Variants in CEACAM4 observed in about 807,000 individuals in gnomAD.
CEACAM4 encodes CEA cell adhesion molecule 4.
CEACAM4 carries 30 observed loss-of-function variants against 28.7 expected under a neutral mutation model. That is an observed-to-expected ratio of 1.05 (90% CI 0.78 to 1.42). The LOEUF is 1.42. Ranked by LOEUF, CEACAM4 falls within the 40% of genes most tolerant of loss-of-function variation. The probability of loss-of-function intolerance (pLI) is 0.00; values close to 1 mark genes in which losing one functional copy is unlikely to be tolerated. For synonymous variants in CEACAM4, 143 were observed against 126.5 expected, an observed-to-expected ratio of 1.13 and a Z score of -0.87; for missense variants, 330 against 308.2, an observed-to-expected ratio of 1.07 and a Z score of -0.53.
At chr19:41,621,601 G>T in intron 3 of CEACAM4, 50 bp downstream of exon 3, 1 of 1,035,432 alleles carries the variant, frequency 9.7e-7, no homozygotes, top group Non-Finnish European at 1.5e-6. Context: ...CCTCCTCCCT[G>T]ACTGGGGTCA....
At chr19:41,621,226 G>A (rs535454734) in intron 3 of CEACAM4, among the ~76,000 whole-genome samples, 2 of 152,204 alleles carry the variant, frequency 1.3e-5, no homozygotes, top group South Asian at 4.1e-4. Flanking sequence ...ACCCTACCCA[G>A]CCTGTCCAGG....
In CEACAM4 at chr19:41,620,313, G is replaced by A. The variant is rs1182026343; in HGVS notation, c.596-71C>T. The A allele has an allele frequency of 3.8e-6, 5 of 1,316,670 alleles. No individual in the cohort carries two copies. The African/African-American group carries it at 6.1e-5, about 16-fold the overall frequency. The allele number at this position is 1,316,670 out of a possible 1,614,324, so 81.6% of individuals were successfully genotyped here. Reference sequence around the variant, plus strand: ...GGGCCCCTCCTGCAGGAGAGTGTAGGGGTCCTCAGCTCCCAGAGAATCAGG... The same window carrying A: ...GGGCCCCTCCTGCAGGAGAGTGTAGAGGTCCTCAGCTCCCAGAGAATCAGG... On this transcript the variant is annotated intron_variant, in intron 4 of 6. Coordinates refer to ENST00000221954, the MANE Select transcript of CEACAM4 (RefSeq NM_001817.4).
chr19:41,619,906 G>A (rs1439616331), intron 5 of CEACAM4, among the ~76,000 whole-genome samples, 195 bp from the exon 6 acceptor site: 1 of 152,006 alleles, frequency 6.6e-6, no homozygotes, highest in Non-Finnish European at 1.5e-5. Context: ...CCCCTGTCCT[G>A]GCTGGGCCCA....
chr19:41,620,259 G>A lies in CEACAM4; in HGVS notation c.596-17C>T, dbSNP rs1555800672. 2 of 1,469,998 alleles carry A rather than the reference G, an allele frequency of 1.4e-6. No homozygotes were observed. Among genetic ancestry groups the A allele is most frequent in the Non-Finnish European group, 1.8e-6 (2 of 1,113,906 alleles). 91.1% of individuals were successfully genotyped at this position (1,469,998 alleles called of 1,614,324 possible). On this transcript the variant is annotated splice_polypyrimidine_tract_variant and intron_variant, in intron 4 of 6. Coordinates refer to ENST00000221954, the MANE Select transcript of CEACAM4 (RefSeq NM_001817.4). ...GACCATGGCCTGGGGACAGAGACAGGAGTGAGCAGCAGGGTGGGAGGAGAG... is the reference window on the plus strand; with the variant it reads ...GACCATGGCCTGGGGACAGAGACAGAAGTGAGCAGCAGGGTGGGAGGAGAG...
At position 41,625,657 on chromosome 19, in the gene CEACAM4, C is replaced by T. The variant is rs147125003; in HGVS notation, c.368G>A (p.Arg123Gln). The change falls in exon 2 of 7, where the codon CGA becomes CAA. Residue 123 changes from arginine (R) to glutamine (Q), a missense_variant. Transcript: ENST00000221954. The part of the protein sequence containing the change: ...TLEDAGSYTL[R>Q]TINASYDSDQ... The stretch of plus-strand genomic sequence containing the variant: ...AGAGTCGTAACTGGCATTTATGGTT[C>T]GTAGGGTGTAGGATCCTGCGTCCTC... 83 of 1,607,028 alleles carry T rather than the reference C, an allele frequency of 5.2e-5. No homozygotes were observed. In the Admixed American group the frequency reaches 1.0e-3, roughly 19 times the overall value.
intron 2 of CEACAM4, among the ~76,000 whole-genome samples, chr19:41,623,163 C>T (rs901286931): frequency 1.3e-5 from 2 of 152,170 alleles, no homozygotes; most frequent in African/African-American, 4.8e-5. Flanking sequence ...ATTACAGGCA[C>T]CCACCACCAT....
At chr19:41,623,015 T>G (rs959811389) in intron 2 of CEACAM4, among the ~76,000 whole-genome samples, 9 of 152,166 alleles carry the variant, frequency 5.9e-5, no homozygotes, top group African/African-American at 2.2e-4. Context: ...GCCAGTATTG[T>G]TTTTTGTTTG....
downstream of CEACAM4, among the ~76,000 whole-genome samples, chr19:41,615,622 C>T (rs1170752877): frequency 6.6e-6 from 1 of 152,090 alleles, no homozygotes; most frequent in African/African-American, 2.4e-5. Flanking sequence ...AAAGACAAAG[C>T]CTCAATCCTA....
chr19:41,613,872 C>T, the CEACAM4 span, among the ~76,000 whole-genome samples: 1 of 152,110 alleles, frequency 6.6e-6, no homozygotes. Flanking sequence ...GTGACTGAGC[C>T]CTGCTTCTGG....
the CEACAM4 span, among the ~76,000 whole-genome samples, chr19:41,613,640 G>C: frequency 8.3e-3 from 1,258 of 152,094 alleles, 18 homozygotes; most frequent in African/African-American, 0.025. Context: ...TTGTCCTCAG[G>C]GAGTTTTAAT....
chr19:41,625,798 C>T lies in CEACAM4; in HGVS notation c.227G>A (p.Ser76Asn). 1 of 1,613,952 alleles carries T rather than the reference C, an allele frequency of 6.2e-7. No homozygotes were observed. The highest frequency in any genetic ancestry group is 8.5e-7 in the Non-Finnish European group (1 of 1,179,944). The part of the protein sequence containing the change: ...YWHKGKTAEG[S>N]PLIAGYITDI... ...TGTTATATAACCAGCAATGAGAGGG[C>T]TCCCTTCTGCCGTTTTCCCCTTGTG... The change falls in exon 2 of 7, where the codon AGC becomes AAC. Residue 76 changes from serine to asparagine, a missense_variant. By Grantham distance (46) the Ser-to-Asn change is conservative. Coordinates refer to ENST00000221954, the MANE Select transcript of CEACAM4 (RefSeq NM_001817.4).
At chr19:41,619,575 A>C (rs1555800226) in intron 6 of CEACAM4, 95 bp downstream of exon 6, 1 of 1,555,550 alleles carries the variant, frequency 6.4e-7, no homozygotes, top group Non-Finnish European at 8.7e-7. Flanking sequence ...TTTTCACTGC[A>C]TTTTCCTGAA....
intron 6 of CEACAM4, 74 bp downstream of exon 6, chr19:41,619,596 G>T: frequency 6.4e-7 from 1 of 1,564,100 alleles, no homozygotes; most frequent in Non-Finnish European, 8.7e-7. Context: ...TCTGAGCTCA[G>T]CCAGGTGCTG....
intron 2 of CEACAM4, among the ~76,000 whole-genome samples, chr19:41,622,865 G>T (rs868940093): frequency 2.0e-4 from 25 of 123,904 alleles, no homozygotes; most frequent in African/African-American, 5.1e-4. Context: ...TAGATAGATA[G>T]ATAGATAGAT....
At chr19:41,621,169 G>A (rs2071262907) in intron 3 of CEACAM4, among the ~76,000 whole-genome samples, 1 of 152,084 alleles carries the variant, frequency 6.6e-6, no homozygotes, top group Admixed American at 6.5e-5. Context: ...TGAGGTCCAG[G>A]TTCTCCCATC....
downstream of CEACAM4, among the ~76,000 whole-genome samples, chr19:41,615,507 G>A (rs2070973915): frequency 6.6e-6 from 1 of 152,078 alleles, no homozygotes; most frequent in South Asian, 2.1e-4. Flanking sequence ...AAATGTACAT[G>A]GCATGGACCC....
chr19:41,620,652 G>T, intron 3 of CEACAM4, 25 bp from the exon 4 acceptor site: 1 of 1,605,144 alleles, frequency 6.2e-7, no homozygotes, highest in Non-Finnish European at 8.5e-7. Context: ...GATTATTCAT[G>T]AGGGTGCAGG....
the CEACAM4 span, among the ~76,000 whole-genome samples, chr19:41,613,596 C>A: frequency 1.3e-5 from 2 of 151,784 alleles, no homozygotes; most frequent in Non-Finnish European, 2.9e-5. Context: ...TGGGTCAAGG[C>A]CTTTATTAGG....
At chr19:41,623,853 T>C (rs1281434150) in intron 2 of CEACAM4, among the ~76,000 whole-genome samples, 1 of 152,176 alleles carries the variant, frequency 6.6e-6, no homozygotes, top group Non-Finnish European at 1.5e-5. Context: ...GGGATTATTA[T>C]GGGATATTCA....
Sources: gnomAD v4.1 joint callset for allele counts (sites outside exome capture counted in the v4.1 genomes callset) on GRCh38, gnomAD v4.1.1 for gene constraint, MANE v1.5 for transcripts, NCBI Gene and HGNC (gene_info 2026-07-23, HGNC 2026-07-21) for gene names.